Variants in CALN1 observed in about 807,000 individuals in gnomAD.
CALN1 encodes calneuron 1, also known as calcium-binding protein 8.
A neutral mutation model predicts 30.6 loss-of-function variants in CALN1; 17 were observed. That is an observed-to-expected ratio of 0.56 (90% CI 0.38 to 0.83). The LOEUF is 0.83. Among genes scored for constraint, CALN1 ranks in the 40% least tolerant of loss-of-function variants. CALN1 has a pLI of 0.00. For missense variants in CALN1, 291 were observed against 354.9 expected (o/e 0.82, Z 1.45); for synonymous variants, 156 against 131.4 (o/e 1.19, Z -1.28).
At chr7:71,884,197 G>A (rs1007421724) in intron 5 of CALN1, among the ~76,000 whole-genome samples, 2 of 152,154 alleles carry the variant, frequency 1.3e-5, no homozygotes, top group African/African-American at 4.8e-5. Flanking sequence ...ACAGGTGTGA[G>A]CCACTGTGCC....
At chr7:71,894,810 TATC>T (rs1793448053) in intron 5 of CALN1, among the ~76,000 whole-genome samples, 1 of 152,254 alleles carries the variant, frequency 6.6e-6, no homozygotes, top group South Asian at 2.1e-4. Context: ...GTTTAATTTG[TATC>T]AATTCTGTAT....
intron 3 of CALN1, among the ~76,000 whole-genome samples, chr7:72,239,651 T>G (rs891084162): frequency 3.9e-5 from 6 of 151,960 alleles, no homozygotes; most frequent in Non-Finnish European, 8.8e-5. Flanking sequence ...TGCATGGGTT[T>G]GTAGATCAAG....
At chr7:71,944,252 A>T (rs982200494) in intron 5 of CALN1, among the ~76,000 whole-genome samples, 14 of 152,146 alleles carry the variant, frequency 9.2e-5, no homozygotes, top group African/African-American at 3.1e-4. Context: ...TTCAAGATCA[A>T]CTTGGGCAAC....
intron 3 of CALN1, among the ~76,000 whole-genome samples, chr7:72,148,850 G>A (rs1211860286): frequency 6.6e-6 from 1 of 151,318 alleles, no homozygotes; most frequent in East Asian, 1.9e-4. Flanking sequence ...GTTGCAGTGA[G>A]CCAAGATCAT....
chr7:72,401,883 T>C (rs1385590812), intron 2 of CALN1, among the ~76,000 whole-genome samples: 1 of 152,030 alleles, frequency 6.6e-6, no homozygotes, highest in Non-Finnish European at 1.5e-5. Flanking sequence ...TACTCAATTC[T>C]TACCTCCTTT....
intron 5 of CALN1, among the ~76,000 whole-genome samples, chr7:71,868,372 T>A (rs868367385): frequency 0.12 from 15,953 of 132,508 alleles, 1,230 homozygotes; most frequent in East Asian, 0.43. Context: ...GCTACACACT[T>A]TTTTTTTTTT....
At chr7:72,239,382 C>T (rs1019444102) in intron 3 of CALN1, among the ~76,000 whole-genome samples, 10 of 152,146 alleles carry the variant, frequency 6.6e-5, no homozygotes, top group African/African-American at 2.4e-4. Flanking sequence ...GACAACAGAA[C>T]AAGACCTTGT....
At chr7:72,299,983 G>A (rs1799145703) in intron 2 of CALN1, among the ~76,000 whole-genome samples, 1 of 151,964 alleles carries the variant, frequency 6.6e-6, no homozygotes, top group Non-Finnish European at 1.5e-5. Flanking sequence ...CCCGGTTTAA[G>A]CATTCTCCTG....
chr7:72,013,127 C>T (rs1478839332), intron 5 of CALN1, among the ~76,000 whole-genome samples: 1 of 152,070 alleles, frequency 6.6e-6, no homozygotes, highest in Non-Finnish European at 1.5e-5. Flanking sequence ...CAACTTTGTG[C>T]TCCATTTACC....
chr7:71,848,936 T>A (rs1045822951), intron 5 of CALN1, among the ~76,000 whole-genome samples: 2 of 152,170 alleles, frequency 1.3e-5, no homozygotes, highest in African/African-American at 2.4e-5. Flanking sequence ...CTTTTGTTTA[T>A]TGTGAATGCT....
At chr7:72,104,640 C>G (rs1358849647) in intron 4 of CALN1, among the ~76,000 whole-genome samples, 1 of 152,082 alleles carries the variant, frequency 6.6e-6, no homozygotes, top group African/African-American at 2.4e-5. Context: ...TGAGAAAAAG[C>G]ACAGGTATCT....
chr7:71,869,798 G>C (rs1428992146), intron 5 of CALN1, among the ~76,000 whole-genome samples: 1 of 152,146 alleles, frequency 6.6e-6, no homozygotes, highest in African/African-American at 2.4e-5. Flanking sequence ...CAATGGAATC[G>C]TGTAATACAA....
chr7:72,323,711 G>A (rs1055316209), intron 2 of CALN1, among the ~76,000 whole-genome samples: 1 of 151,270 alleles, frequency 6.6e-6, no homozygotes, highest in Non-Finnish European at 1.5e-5. Context: ...AAGAAAAAAA[G>A]GGAAAAAAGA....
chr7:72,294,176 T>C (rs1415453425), intron 2 of CALN1, among the ~76,000 whole-genome samples: 1 of 152,080 alleles, frequency 6.6e-6, no homozygotes, highest in East Asian at 1.9e-4. Flanking sequence ...AAAACAACAC[T>C]ATCTCCACCT....
At chr7:72,424,538 A>T (rs1318181677) in intron 1 of CALN1, among the ~76,000 whole-genome samples, 1 of 152,102 alleles carries the variant, frequency 6.6e-6, no homozygotes, top group East Asian at 1.9e-4. Context: ...AAAAATATGA[A>T]TCTGGTATAA....
chr7:71,971,967 A>AAGAAAGAAAGAC (rs1562946694), intron 5 of CALN1, among the ~76,000 whole-genome samples: 39 of 136,790 alleles, frequency 2.9e-4, no homozygotes, highest in African/African-American at 1.0e-3. Context: ...GAAAGAAAGA[A>AAGAAAGAAAGAC]AGAAAGAAAG....
chr7:71,810,105 C>T (rs1273890560), intron 6 of CALN1, among the ~76,000 whole-genome samples: 1 of 152,054 alleles, frequency 6.6e-6, no homozygotes, highest in Non-Finnish European at 1.5e-5. Context: ...AGAGAAAAGA[C>T]AGGGTCAGTG....
chr7:72,178,550 G>A (rs981201884), intron 3 of CALN1, among the ~76,000 whole-genome samples: 6 of 152,034 alleles, frequency 3.9e-5, no homozygotes, highest in East Asian at 1.9e-4. Context: ...TTAGCCAGGC[G>A]TGGTGGCACG....
the CALN1 span, among the ~76,000 whole-genome samples, chr7:72,465,319 A>AT: frequency 0.37 from 55,550 of 151,972 alleles, 11,199 homozygotes; most frequent in African/African-American, 0.49. Context: ...CAGATGGTAA[A>AT]TTCCAGTGCT....
Sources: gnomAD v4.1 joint callset for allele counts (sites outside exome capture counted in the v4.1 genomes callset) on GRCh38, gnomAD v4.1.1 for gene constraint, MANE v1.5 for transcripts, NCBI Gene and HGNC (gene_info 2026-07-23, HGNC 2026-07-21) for gene names.